SNX29: variants seen among roughly 807,000 people sequenced by gnomAD.
SNX29 encodes sorting nexin-29.
SNX29 carries 78 observed loss-of-function variants against 102.1 expected under a neutral mutation model. That is an observed-to-expected ratio of 0.76 (90% CI 0.64 to 0.92). The LOEUF (loss-of-function observed/expected upper bound fraction) is 0.92. SNX29 is among the 40% of genes least tolerant of loss of function. The pLI, the probability that SNX29 is intolerant of heterozygous loss-of-function variation, is 0.00. For missense variants in SNX29, 1,280 were observed against 1,061.7 expected (o/e 1.21, Z -2.86); for synonymous variants, 580 against 414.5 (o/e 1.40, Z -4.85).
chr16:12,131,637 G>T (rs1055934117), intron 13 of SNX29, among the ~76,000 whole-genome samples: 1 of 152,142 alleles, frequency 6.6e-6, no homozygotes, highest in Non-Finnish European at 1.5e-5. Flanking sequence ...CCTCATTTTA[G>T]GAAAGATAAG....
chr16:12,391,971 C>T (rs768141358), intron 16 of SNX29, among the ~76,000 whole-genome samples: 1 of 152,174 alleles, frequency 6.6e-6, no homozygotes, highest in Non-Finnish European at 1.5e-5. Context: ...AATAGATCAT[C>T]GTCTCTCCTC....
At chr16:12,301,476 C>G (rs2080171718) in intron 15 of SNX29, among the ~76,000 whole-genome samples, 1 of 152,254 alleles carries the variant, frequency 6.6e-6, no homozygotes, top group Admixed American at 6.5e-5. Flanking sequence ...TCCTCCCAGT[C>G]TCCATTCAGT....
At chr16:12,032,680 A>G (rs746090676) in intron 4 of SNX29, among the ~76,000 whole-genome samples, 1 of 152,024 alleles carries the variant, frequency 6.6e-6, no homozygotes, top group African/African-American at 2.4e-5. Context: ...CTTTTGGGGC[A>G]TACACCCAGA....
intron 4 of SNX29, among the ~76,000 whole-genome samples, chr16:12,037,589 G>T (rs879888267): frequency 3.3e-5 from 5 of 152,144 alleles, no homozygotes; most frequent in Non-Finnish European, 7.3e-5. Flanking sequence ...GTAGGGGGAG[G>T]TTAGGATAGT....
At chr16:12,164,939 T>C (rs853869) in intron 13 of SNX29, among the ~76,000 whole-genome samples, 66,265 of 151,958 alleles carry the variant, frequency 0.44, 19,169 homozygotes, top group African/African-American at 0.83. Flanking sequence ...CTGCCCACCT[T>C]GATCTCCCAA....
At chr16:12,414,005 A>G (rs1026124783) in intron 18 of SNX29, among the ~76,000 whole-genome samples, 1 of 152,222 alleles carries the variant, frequency 6.6e-6, no homozygotes, top group Non-Finnish European at 1.5e-5. Flanking sequence ...CCTCCTGTAG[A>G]TGCTAAGTCA....
intron 20 of SNX29, among the ~76,000 whole-genome samples, chr16:12,563,323 T>C (rs986528652): frequency 6.6e-6 from 1 of 152,048 alleles, no homozygotes; most frequent in African/African-American, 2.4e-5. Flanking sequence ...CTGGAGAGAG[T>C]CACCGTCGAG....
intron 14 of SNX29, among the ~76,000 whole-genome samples, chr16:12,235,382 A>T (rs2142235587): frequency 6.6e-6 from 1 of 152,224 alleles, no homozygotes; most frequent in South Asian, 2.1e-4. Context: ...TGCGGTACTT[A>T]ATTTGAAATT....
intron 18 of SNX29, among the ~76,000 whole-genome samples, chr16:12,476,875 A>T (rs1008887654): frequency 3.3e-5 from 5 of 152,176 alleles, no homozygotes; most frequent in African/African-American, 1.2e-4. Context: ...TTTCATGGTC[A>T]TAGAGGTTTT....
At chr16:12,178,477 G>T (rs993316231) in intron 13 of SNX29, among the ~76,000 whole-genome samples, 2 of 152,220 alleles carry the variant, frequency 1.3e-5, no homozygotes, top group Non-Finnish European at 2.9e-5. Flanking sequence ...CGCAAAACCA[G>T]CCTGGCTTTT....
At chr16:11,996,315 T>C (rs997075989) in intron 1 of SNX29, among the ~76,000 whole-genome samples, 5 of 151,914 alleles carry the variant, frequency 3.3e-5, no homozygotes, top group Admixed American at 6.6e-5. Context: ...ACCCAGGAGG[T>C]TGAGACTGTA....
intron 14 of SNX29, among the ~76,000 whole-genome samples, chr16:12,240,639 C>G (rs868324399): frequency 6.5e-5 from 9 of 138,396 alleles, no homozygotes; most frequent in African/African-American, 2.5e-4. Flanking sequence ...CTCTGTCACC[C>G]AGGCTGGAGT....
In SNX29 at chr16:12,487,512, G is replaced by T. The variant is rs2088305959; in HGVS notation, c.2178+9653G>T. Among the ~76,000 whole-genome samples the T allele has an allele frequency of 1.3e-5, 2 of 152,188 alleles. 1 individual carries two copies. Among genetic ancestry groups the T allele is most frequent in the Non-Finnish European group, 2.9e-5 (2 of 68,030 alleles). On this transcript the variant is annotated intron_variant, in intron 19 of 20. Coordinates refer to ENST00000566228, the MANE Select transcript of SNX29 (RefSeq NM_032167.5). ...GCCCAAGCTCCCGTAGCTTGTAAGTGCCGGAGCCAGGAATTGAGCCGAACT... is the reference window on the plus strand; with the variant it reads ...GCCCAAGCTCCCGTAGCTTGTAAGTTCCGGAGCCAGGAATTGAGCCGAACT...
intron 15 of SNX29, among the ~76,000 whole-genome samples, chr16:12,316,012 C>G (rs1261963098): frequency 6.6e-6 from 1 of 152,198 alleles, no homozygotes; most frequent in Non-Finnish European, 1.5e-5. Flanking sequence ...CCAGGCTGTT[C>G]TCAGATACAG....
chr16:11,990,336 A>G (rs981491128), intron 1 of SNX29, among the ~76,000 whole-genome samples: 3 of 152,168 alleles, frequency 2.0e-5, no homozygotes, highest in African/African-American at 4.8e-5. Flanking sequence ...ACTGTCTGCT[A>G]GAGCTGGCTA....
chr16:12,543,657 G>A (rs920627691), intron 20 of SNX29, among the ~76,000 whole-genome samples: 9 of 152,330 alleles, frequency 5.9e-5, no homozygotes, highest in Admixed American at 1.3e-4. Flanking sequence ...GTCTCCAGAC[G>A]CTCTTCCAGC....
chr16:12,284,628 A>C (rs2079535654), intron 15 of SNX29, among the ~76,000 whole-genome samples: 1 of 152,174 alleles, frequency 6.6e-6, no homozygotes, highest in African/African-American at 2.4e-5. Context: ...AATTAACAGT[A>C]AGCATTTATT....
At chr16:12,229,489 T>C (rs567557531) in intron 14 of SNX29, among the ~76,000 whole-genome samples, 2 of 152,198 alleles carry the variant, frequency 1.3e-5, no homozygotes, top group African/African-American at 2.4e-5. Flanking sequence ...TTTTTGCCAA[T>C]GTAGAGATAC....
intron 16 of SNX29, among the ~76,000 whole-genome samples, chr16:12,360,781 G>A (rs950112359): frequency 6.6e-6 from 1 of 152,172 alleles, no homozygotes; most frequent in Non-Finnish European, 1.5e-5. Context: ...GTTTCCTTAA[G>A]AGGAAGCATA....
Sources: gnomAD v4.1 joint callset for allele counts (sites outside exome capture counted in the v4.1 genomes callset) on GRCh38, gnomAD v4.1.1 for gene constraint, MANE v1.5 for transcripts, NCBI Gene and HGNC (gene_info 2026-07-23, HGNC 2026-07-21) for gene names.